DLGAP2: variants seen among roughly 807,000 people sequenced by gnomAD.
DLGAP2 encodes the protein disks large-associated protein 2.
In DLGAP2, 26 loss-of-function variants were observed where a neutral mutation model predicts 100.3. That is an observed-to-expected ratio of 0.26 (90% CI 0.19 to 0.36). The LOEUF is 0.36. Among genes scored for constraint, DLGAP2 ranks in the 10% least tolerant of loss-of-function variants. The pLI is 1.00. For synonymous variants in DLGAP2, 886 were observed against 630.1 expected, an observed-to-expected ratio of 1.41 and a Z score of -6.08; for missense variants, 1,858 against 1,453.2, an observed-to-expected ratio of 1.28 and a Z score of -4.53.
At chr8:1,569,876 T>C (rs1205865775) in intron 6 of DLGAP2, among the ~76,000 whole-genome samples, 2 of 151,554 alleles carry the variant, frequency 1.3e-5, no homozygotes, top group Non-Finnish European at 2.9e-5. Flanking sequence ...ATGGCACTGC[T>C]CTGTGGAGGG....
chr8:891,807 C>T (rs1486536388), intron 1 of DLGAP2, among the ~76,000 whole-genome samples: 2 of 152,174 alleles, frequency 1.3e-5, no homozygotes, highest in Admixed American at 6.5e-5. Flanking sequence ...GAGAGATTCT[C>T]ACTGCCTGGG....
intron 2 of DLGAP2, among the ~76,000 whole-genome samples, chr8:1,006,085 A>C (rs544234345): frequency 1.3e-5 from 2 of 152,142 alleles, no homozygotes; most frequent in Non-Finnish European, 2.9e-5. Context: ...GGTACTCGGG[A>C]GGCTGAGGCA....
At chr8:1,472,237 G>T (rs866186325) in intron 3 of DLGAP2, among the ~76,000 whole-genome samples, 1 of 152,184 alleles carries the variant, frequency 6.6e-6, no homozygotes, top group Non-Finnish European at 1.5e-5. Flanking sequence ...GGGAGGGGAG[G>T]GGGGTTGAGC....
intron 2 of DLGAP2, among the ~76,000 whole-genome samples, chr8:1,239,557 G>T (rs1437619203): frequency 1.6e-5 from 2 of 122,404 alleles, no homozygotes; most frequent in African/African-American, 3.6e-5. Context: ...ATGGCGCCGT[G>T]TCTGGTTCTC....
At chr8:1,361,766 C>G (rs1023837836) in intron 3 of DLGAP2, among the ~76,000 whole-genome samples, 10 of 152,338 alleles carry the variant, frequency 6.6e-5, no homozygotes, top group African/African-American at 2.4e-4. Context: ...GTACAAAAAT[C>G]CAGTGGAGGA....
At chr8:898,614 C>T (rs1798191643) in intron 1 of DLGAP2, among the ~76,000 whole-genome samples, 1 of 151,958 alleles carries the variant, frequency 6.6e-6, no homozygotes, top group African/African-American at 2.4e-5. Context: ...CCTTTTGGGA[C>T]TCCGCGTGCT....
chr8:1,630,378 G>A (rs1437013727), intron 7 of DLGAP2, among the ~76,000 whole-genome samples: 2 of 152,154 alleles, frequency 1.3e-5, no homozygotes, highest in Admixed American at 6.5e-5. Flanking sequence ...CTGGAGAGAT[G>A]TGAATTTGGT....
chr8:1,023,780 C>T (rs1801696073), intron 2 of DLGAP2, among the ~76,000 whole-genome samples: 1 of 151,462 alleles, frequency 6.6e-6, no homozygotes, highest in Admixed American at 6.6e-5. Context: ...TGGGGCATTC[C>T]CGTTTCAATG....
chr8:1,180,164 G>C (rs7821457), intron 2 of DLGAP2, among the ~76,000 whole-genome samples: 87,858 of 152,008 alleles, frequency 0.58, 25,700 homozygotes, highest in Admixed American at 0.66. Context: ...AACTGAGGAC[G>C]TAAATTACAC....
At chr8:1,585,202 CCTGTGATCCCAGCACTT>C (rs1796078180) in intron 6 of DLGAP2, among the ~76,000 whole-genome samples, 1 of 152,156 alleles carries the variant, frequency 6.6e-6, no homozygotes, top group Non-Finnish European at 1.5e-5. Context: ...AGGGCTCACA[CCTGTGATCCCAGCACTT>C]TGGGAGGCGG....
rs1277179681 is a variant in DLGAP2 at position 1,236,295 on chromosome 8, G to T, written c.74-22556G>T. On this transcript the variant is annotated intron_variant, in intron 2 of 14. Transcript: ENST00000637795. ...TTCTAGTTCTCTCACATGGCGCCGT[G>T]TCTAGTTCTCTCACATGGCGCCGTG... 8.9e-3 allele frequency among the ~76,000 whole-genome samples: 417 copies of T among 46,760 alleles called. 19 individuals carry two copies. Among genetic ancestry groups the T allele is most frequent in the African/African-American group, 0.019 (181 of 9,446 alleles). The allele number at this position is 46,760 out of a possible 152,430, so 30.7% of individuals were successfully genotyped here.
chr8:1,391,653 G>A (rs981007386), intron 3 of DLGAP2, among the ~76,000 whole-genome samples: 1 of 152,192 alleles, frequency 6.6e-6, no homozygotes, highest in African/African-American at 2.4e-5. Flanking sequence ...GAGGAGATGG[G>A]TTCATAAAAG....
chr8:1,431,362 G>A (rs28501642), intron 3 of DLGAP2, among the ~76,000 whole-genome samples: 22,228 of 152,262 alleles, frequency 0.15, 1,847 homozygotes, highest in South Asian at 0.23. Context: ...CATTCATTGT[G>A]CTCCTTGACT....
chr8:1,349,332 G>A (rs1801648174), intron 3 of DLGAP2, among the ~76,000 whole-genome samples: 1 of 150,780 alleles, frequency 6.6e-6, no homozygotes, highest in African/African-American at 2.4e-5. Flanking sequence ...CACACAGGTA[G>A]GAAGGGGTGT....
chr8:1,258,471 A>G (rs900257732), intron 2 of DLGAP2, among the ~76,000 whole-genome samples: 1 of 152,052 alleles, frequency 6.6e-6, no homozygotes, highest in African/African-American at 2.4e-5. Flanking sequence ...GCATTAGAAC[A>G]AATACCTATT....
chr8:1,095,523 C>T (rs1022001088), intron 2 of DLGAP2, among the ~76,000 whole-genome samples: 5 of 152,132 alleles, frequency 3.3e-5, no homozygotes, highest in Admixed American at 2.0e-4. Context: ...CTTTCTGAGC[C>T]CCCTTGCTTT....
chr8:1,433,514 G>A (rs1300708738), intron 3 of DLGAP2, among the ~76,000 whole-genome samples: 1 of 152,222 alleles, frequency 6.6e-6, no homozygotes, highest in Non-Finnish European at 1.5e-5. Context: ...AGATGGTGCT[G>A]TCTGGTGAGC....
chr8:1,078,468 G>A (rs1244771686), intron 2 of DLGAP2, among the ~76,000 whole-genome samples: 1 of 152,172 alleles, frequency 6.6e-6, no homozygotes, highest in African/African-American at 2.4e-5. Context: ...ACATTCTGGG[G>A]ATTTTTGGCA....
chr8:988,494 AGTTT>A (rs1563130415), intron 2 of DLGAP2, among the ~76,000 whole-genome samples: 1 of 152,182 alleles, frequency 6.6e-6, no homozygotes, highest in African/African-American at 2.4e-5. Flanking sequence ...TTTAATTTGC[AGTTT>A]GTTTGGCAAC....
Sources: allele counts gnomAD v4.1 joint callset (sites outside exome capture counted in the v4.1 genomes callset), GRCh38; gene constraint gnomAD v4.1.1; transcripts MANE v1.5; gene names NCBI Gene and HGNC (gene_info 2026-07-23, HGNC 2026-07-21).